Variants in TYW1 observed in about 807,000 individuals in gnomAD.
The protein encoded by TYW1 is tRNA-yW synthesizing protein 1 homolog, also known as S-adenosyl-L-methionine-dependent tRNA 4-demethylwyosine synthase TYW1.
A neutral mutation model predicts 96.2 loss-of-function variants in TYW1; 46 were observed. The ratio of observed to expected loss-of-function variants is 0.48; its 90% confidence interval spans 0.38 to 0.61. TYW1 has a LOEUF of 0.61. TYW1 is among the 20% of genes least tolerant of loss of function. The probability of loss-of-function intolerance (pLI) is 0.00; values close to 1 mark genes in which losing one functional copy is unlikely to be tolerated. For synonymous variants in TYW1, 274 were observed against 323.0 expected (o/e 0.85, Z 1.63); for missense variants, 684 against 909.6 (o/e 0.75, Z 3.19).
intron 11 of TYW1, among the ~76,000 whole-genome samples, chr7:67,094,278 T>C (rs1584552225): frequency 6.6e-6 from 1 of 152,214 alleles, no homozygotes; most frequent in African/African-American, 2.4e-5. Flanking sequence ...TCATGACTTT[T>C]AGCTATTGTG....
At chr7:67,089,619 A>G in intron 11 of TYW1, 1 of 512,478 alleles carries the variant, frequency 2.0e-6, no homozygotes, top group South Asian at 2.7e-5. Flanking sequence ...ATTGTTGCTT[A>G]TTGTCTGAGT....
chr7:67,116,545 C>T (rs1281460890), intron 12 of TYW1, among the ~76,000 whole-genome samples: 3 of 151,704 alleles, frequency 2.0e-5, no homozygotes, highest in East Asian at 1.9e-4. Flanking sequence ...AAAAATTAGC[C>T]GGGTATGGTG....
intron 13 of TYW1, among the ~76,000 whole-genome samples, chr7:67,165,263 A>G (rs148986412): frequency 6.6e-6 from 1 of 152,352 alleles, no homozygotes; most frequent in African/African-American, 2.4e-5. Context: ...CACAGCCTCA[A>G]CTAGAGTATG....
At chr7:67,155,432 C>T (rs1252512129) in intron 13 of TYW1, among the ~76,000 whole-genome samples, 1 of 152,188 alleles carries the variant, frequency 6.6e-6, no homozygotes, top group African/African-American at 2.4e-5. Flanking sequence ...CTTCACCTTC[C>T]ACCGTGAGTG....
chr7:67,059,700 A>G (rs1367965136), intron 9 of TYW1, among the ~76,000 whole-genome samples: 3 of 150,772 alleles, frequency 2.0e-5, no homozygotes, highest in Non-Finnish European at 4.4e-5. Flanking sequence ...GATTTTGACA[A>G]CTTTTACATT....
At chr7:67,222,917 G>T (rs1801444928) in intron 15 of TYW1, among the ~76,000 whole-genome samples, 2 of 111,760 alleles carry the variant, frequency 1.8e-5, no homozygotes, top group South Asian at 2.8e-4. Flanking sequence ...CCATTGTCCT[G>T]TTTTCAGGTT....
At chr7:67,009,383 A>T (rs1793711878) in intron 3 of TYW1, among the ~76,000 whole-genome samples, 200 bp from the exon 4 acceptor site, 1 of 152,176 alleles carries the variant, frequency 6.6e-6, no homozygotes. Context: ...ATCGGGTGAG[A>T]ACAACACAAA....
At chr7:67,085,354 TAGTG>T (rs1207253259) in intron 11 of TYW1, among the ~76,000 whole-genome samples, 29 of 152,280 alleles carry the variant, frequency 1.9e-4, no homozygotes, top group African/African-American at 6.5e-4. Context: ...GTTCTCATGA[TAGTG>T]AGTGAGTTCT....
chr7:67,164,102 C>A (rs1254614669), intron 13 of TYW1, among the ~76,000 whole-genome samples: 1 of 152,070 alleles, frequency 6.6e-6, no homozygotes, highest in East Asian at 1.9e-4. Context: ...GTTTTCTGAT[C>A]CCAAAACTTT....
intron 13 of TYW1, among the ~76,000 whole-genome samples, chr7:67,177,161 CTATCCA>C (rs1469405571): frequency 4.6e-5 from 7 of 152,146 alleles, no homozygotes; most frequent in African/African-American, 1.7e-4. Context: ...TTACAGTGGA[CTATCCA>C]TATGTTAAAT....
intron 13 of TYW1, among the ~76,000 whole-genome samples, chr7:67,147,599 C>T (rs1229053839): frequency 1.3e-5 from 2 of 152,002 alleles, no homozygotes; most frequent in South Asian, 2.1e-4. Context: ...GTGATAGGCC[C>T]CAGTGTGTGT....
intron 7 of TYW1, among the ~76,000 whole-genome samples, chr7:67,026,536 T>TAAA (rs1794460981): frequency 6.6e-6 from 1 of 152,154 alleles, no homozygotes; most frequent in South Asian, 2.1e-4. Flanking sequence ...AATATATAAG[T>TAAA]TTGATGGAAT....
chr7:67,125,505 C>T (rs544932239), intron 13 of TYW1, among the ~76,000 whole-genome samples: 136 of 146,012 alleles, frequency 9.3e-4, no homozygotes, highest in Non-Finnish European at 1.7e-3. Flanking sequence ...CGTACATTAC[C>T]TCCTTATCAA....
intron 7 of TYW1, among the ~76,000 whole-genome samples, chr7:67,039,941 A>G (rs1194588195): frequency 6.7e-6 from 1 of 148,152 alleles, no homozygotes; most frequent in Non-Finnish European, 1.5e-5. Flanking sequence ...GATTACAAGC[A>G]TGAGCCACCA....
Position 67,139,408 on chromosome 7 carries a change from C to T in TYW1, c.1698+21790C>T, listed in dbSNP as rs534201898. ...TAAAATCGAGCAAGTATTTGTAATC[C>T]TTGAAACAAAATGTACACACATGTG... On this transcript the variant is annotated intron_variant, in intron 13 of 15. Coordinates refer to ENST00000359626, the MANE Select transcript of TYW1 (RefSeq NM_018264.4). 1.2e-3 allele frequency among the ~76,000 whole-genome samples: 180 copies of T among 152,164 alleles called. 1 individual carries two copies. Among genetic ancestry groups the T allele is most frequent in the Admixed American group, 6.4e-3 (97 of 15,258 alleles).
intron 13 of TYW1, among the ~76,000 whole-genome samples, chr7:67,143,498 C>T (rs7794060): frequency 0.3 from 45,714 of 152,086 alleles, 7,198 homozygotes; most frequent in African/African-American, 0.39. Context: ...CCTCCAGCTG[C>T]TCTGTGTTCC....
chr7:67,140,322 C>T (rs1384616042), intron 13 of TYW1, among the ~76,000 whole-genome samples: 2 of 152,046 alleles, frequency 1.3e-5, no homozygotes, highest in East Asian at 3.9e-4. Context: ...CCTATTCTTT[C>T]CTTGAATTTT....
In TYW1 at chr7:67,233,343, T is replaced by A. The variant is rs1480348813; in HGVS notation, c.1978-4965T>A. 3.7e-5 allele frequency among the ~76,000 whole-genome samples: 5 copies of A among 136,050 alleles called. 1 individual carries two copies. The highest frequency in any genetic ancestry group is 1.6e-5 in the Non-Finnish European group (1 of 63,188). The allele number at this position is 136,050 out of a possible 152,430, so 89.3% of individuals were successfully genotyped here. On this transcript the variant is annotated intron_variant, in intron 15 of 15. Coordinates refer to ENST00000359626, the MANE Select transcript of TYW1 (RefSeq NM_018264.4). ...AACAGAGAACCTATGCCATTATTAT[T>A]GTTTAGCGAAATTCTCCCTGTGTGA...
intron 13 of TYW1, among the ~76,000 whole-genome samples, chr7:67,162,483 A>G (rs1417392242): frequency 1.3e-5 from 2 of 152,160 alleles, no homozygotes; most frequent in African/African-American, 4.8e-5. Flanking sequence ...TCTAAGGCAT[A>G]TTGATTTTAG....
Sources: gnomAD v4.1 joint callset for allele counts (sites outside exome capture counted in the v4.1 genomes callset) on GRCh38, gnomAD v4.1.1 for gene constraint, MANE v1.5 for transcripts, NCBI Gene and HGNC (gene_info 2026-07-23, HGNC 2026-07-21) for gene names.